The following ACAN variants were observed in gnomAD, a reference collection of about 807,000 sequenced individuals.
The protein encoded by ACAN is aggrecan core protein.
Under a neutral mutation model 169.1 loss-of-function variants are expected in ACAN, and 47 were observed. The observed-to-expected ratio is 0.28, with a 90% CI of 0.22 to 0.35. The LOEUF (loss-of-function observed/expected upper bound fraction) is 0.35. Among genes scored for constraint, ACAN ranks in the 10% least tolerant of loss-of-function variants. ACAN has a pLI of 1.00. For missense variants in ACAN, 2,716 were observed against 2,759.9 expected (o/e 0.98, Z 0.36); for synonymous variants, 1,115 against 1,112.2 (o/e 1.00, Z -0.05).
At chr15:88,835,559 A>AG (rs1352586336) in intron 1 of ACAN, among the ~76,000 whole-genome samples, 8 of 152,248 alleles carry the variant, frequency 5.3e-5, no homozygotes, top group Admixed American at 5.2e-4. Flanking sequence ...CCAAGTTTGA[A>AG]GGCTTGAGAC....
rs1473462371 is a variant in ACAN at position 88,851,558 on chromosome 15, C to T, written c.2027-236C>T. The T allele has an allele frequency of 2.1e-6, 1 of 482,202 alleles. No homozygotes were observed. The highest frequency in any genetic ancestry group is 4.0e-5 in the South Asian group (1 of 25,070). The allele number at this position is 482,202 out of a possible 1,614,324, so 29.9% of individuals were successfully genotyped here. A position where few individuals can be genotyped will look rare whatever the true frequency, so the allele number is the denominator to read the frequency against. ...TAGAGCAATGCCCGGCATATATGGT[C>T]AATTCTGCAGGGGAGATGCCCCAGA... is the stretch of plus-strand genomic sequence containing the variant. On this transcript the variant is annotated intron_variant, in intron 10 of 18. Coordinates refer to ENST00000560601, the MANE Select transcript of ACAN (RefSeq NM_001369268.1). This position sits in a 1 kb window ranked among gnomAD's most constrained non-coding sequence, Gnocchi z 4.3.
chr15:88,858,164 C>A lies in ACAN; in HGVS notation c.5579C>A (p.Ser1860Tyr), dbSNP rs770623698. 6 of 1,613,940 alleles carry A rather than the reference C, an allele frequency of 3.7e-6. No individual in the cohort carries two copies. Among genetic ancestry groups the A allele is most frequent in the Non-Finnish European group, 5.1e-6 (6 of 1,179,896 alleles). ...TCTGTGGAACTCAGTGGCCTCCCTT[C>A]CGGAGAGGCAGATCTGTCAGGCAAA... is the stretch of plus-strand genomic sequence containing the variant. ...LGSVELSGLP[S>Y]GEADLSGKSG... is the part of the protein sequence containing the mutation. Residue 1860 changes from serine (S) to tyrosine (Y), a missense_variant, in exon 12 of 19, where the codon TCC becomes TAC. Around this residue, in one of 3 missense-constraint regions of ACAN, gnomAD observed 1,389 missense variants for 1,363.7 expected, o/e 1.02. Coordinates refer to ENST00000560601, the MANE Select transcript of ACAN (RefSeq NM_001369268.1). The surrounding 1 kb of genome is among the most constrained non-coding windows in gnomAD (Gnocchi z 4.0).
chr15:88,850,095 T>G, intron 10 of ACAN: 1 of 575,376 alleles, frequency 1.7e-6, no homozygotes. Context: ...GTGCACGTGG[T>G]GCCCTTGGCA....
At position 88,857,215 on chromosome 15, in the gene ACAN, G is replaced by A; in HGVS notation, c.4630G>A (p.Asp1544Asn). 3 of 1,613,884 alleles carry A rather than the reference G, an allele frequency of 1.9e-6. No homozygotes were observed. The South Asian group carries it at 3.3e-5, about 18-fold the overall frequency. ...VLEISASGFGDLSGLPSGGEG... is the reference protein window; with the variant it reads ...VLEISASGFGNLSGLPSGGEG... The stretch of plus-strand genomic sequence containing the variant: ...AGAGATTTCTGCCTCTGGATTTGGG[G>A]ACCTCAGTGGACTTCCTTCTGGAGG... Residue 1544 changes from aspartate (D) to asparagine (N), a missense_variant, in exon 12 of 19, where the codon GAC (aspartate) becomes AAC (asparagine). Around this residue, in one of 3 missense-constraint regions of ACAN, gnomAD observed 1,389 missense variants for 1,363.7 expected, o/e 1.02. Coordinates refer to ENST00000560601, the MANE Select transcript of ACAN (RefSeq NM_001369268.1).
intron 1 of ACAN, among the ~76,000 whole-genome samples, chr15:88,820,510 A>G (rs1896049745): frequency 1.3e-5 from 2 of 152,134 alleles, no homozygotes; most frequent in African/African-American, 4.8e-5. Flanking sequence ...CTTTGTTTCT[A>G]ACTTTATTTA....
At chr15:88,819,913 A>T (rs1023023386) in intron 1 of ACAN, among the ~76,000 whole-genome samples, 1 of 152,190 alleles carries the variant, frequency 6.6e-6, no homozygotes, top group Non-Finnish European at 1.5e-5. Flanking sequence ...GAACTAGTTG[A>T]GAGCCCAGCT....
chr15:88,850,185 T>C (rs1896900351), intron 10 of ACAN: 3 of 306,690 alleles, frequency 9.8e-6, no homozygotes, highest in South Asian at 1.7e-4. Context: ...CTGTAATATA[T>C]AGCTTTATTT....
In ACAN at chr15:88,839,896, G is replaced by C. The variant is rs1896604843; in HGVS notation, c.455-116G>C. On this transcript the variant is annotated intron_variant, in intron 3 of 18. Coordinates refer to ENST00000560601, the MANE Select transcript of ACAN (RefSeq NM_001369268.1). This position sits in a 1 kb window ranked among gnomAD's most constrained non-coding sequence, Gnocchi z 4.5. ...GTACAGGGAGTCATGCATCAGCCCA[G>C]ACCAGCCAGTTCCCTAAGGTCCCTT... 1.6e-5 allele frequency: 21 copies of C among 1,293,870 alleles called. No individual in the cohort carries two copies. The highest frequency in any genetic ancestry group is 2.1e-5 in the Non-Finnish European group (20 of 935,854). The allele number at this position is 1,293,870 out of a possible 1,614,324, so 80.1% of individuals were successfully genotyped here.
At position 88,869,611 on chromosome 15, in the gene ACAN, C is replaced by T. The variant is rs893798785; in HGVS notation, c.7060+1282C>T. On this transcript the variant is annotated intron_variant, in intron 14 of 18. Transcript: ENST00000560601. The surrounding 1 kb of genome is among the most constrained non-coding windows in gnomAD (Gnocchi z 4.2). ...GTAGAAGAGTCTGGGACTTCCATGC[C>T]GACAACAGCTATTTGGTTCCAGACT... 1.3e-5 allele frequency among the ~76,000 whole-genome samples: 2 copies of T among 152,116 alleles called. No homozygotes were observed. Among genetic ancestry groups the T allele is most frequent in the Admixed American group, 6.5e-5 (1 of 15,284 alleles).
chr15:88,851,653 G>C lies in ACAN; in HGVS notation c.2027-141G>C. On this transcript the variant is annotated intron_variant, in intron 10 of 18. Transcript: ENST00000560601. This position sits in a 1 kb window ranked among gnomAD's most constrained non-coding sequence, Gnocchi z 4.3. ...TTGGTGCCGATGGCTCTTACTAAGCGAGAAGGCAAACAGCCATCTGCTGAA... is the reference window on the plus strand; with the variant it reads ...TTGGTGCCGATGGCTCTTACTAAGCCAGAAGGCAAACAGCCATCTGCTGAA... 1.0e-6 allele frequency: 1 copy of C among 992,386 alleles called. No homozygotes were observed. Among genetic ancestry groups the C allele is most frequent in the Non-Finnish European group, 1.4e-6 (1 of 693,664 alleles). The allele number at this position is 992,386 out of a possible 1,614,324, so 61.5% of individuals were successfully genotyped here.
rs368833137 is a variant in ACAN at position 88,872,063 on chromosome 15, G to A, written c.7280G>A (p.Arg2427His). The A allele has an allele frequency of 2.1e-5, 34 of 1,613,752 alleles. No homozygotes were observed. The highest frequency in any genetic ancestry group is 1.1e-4 in the East Asian group (5 of 44,882). The change falls in exon 16 of 19, where the codon CGC becomes CAC. Residue 2427 changes from arginine to histidine, a missense_variant. Coordinates refer to ENST00000560601, the MANE Select transcript of ACAN (RefSeq NM_001369268.1). This position sits in a 1 kb window ranked among gnomAD's most constrained non-coding sequence, Gnocchi z 5.4. ...LNDRTIEGDFRWSDGHPMQFE... is the reference protein window; with the variant it reads ...LNDRTIEGDFHWSDGHPMQFE... Reference sequence around the variant, plus strand: ...GACAGGACCATCGAAGGGGACTTCCGCTGGTCAGATGGACACCCCATGGTG... The same window carrying A: ...GACAGGACCATCGAAGGGGACTTCCACTGGTCAGATGGACACCCCATGGTG...
chr15:88,858,079 G>A lies in ACAN; in HGVS notation c.5494G>A (p.Val1832Met), dbSNP rs370620670. Residue 1832 changes from valine (V) to methionine (M), a missense_variant, in exon 12 of 19, where the codon GTG becomes ATG. By Grantham distance (21) the Val-to-Met change is conservative. Coordinates refer to ENST00000560601, the MANE Select transcript of ACAN (RefSeq NM_001369268.1). This position sits in a 1 kb window ranked among gnomAD's most constrained non-coding sequence, Gnocchi z 4.0. ...GSGESSGITF[V>M]DTSLVEVAPT... is the part of the protein sequence containing the mutation. ...CGGTGAATCTTCTGGGATTACATTT[G>A]TGGACACCAGTTTGGTTGAAGTGGC... 1 of 1,613,920 alleles carries A rather than the reference G, an allele frequency of 6.2e-7. No individual in the cohort carries two copies. The highest frequency in any genetic ancestry group is 1.1e-5 in the South Asian group (1 of 91,078).
Position 88,860,407 on chromosome 15 carries a change from C to T in ACAN, c.6914C>T (p.Pro2305Leu), listed in dbSNP as rs1209211363. The change falls in exon 13 of 19, where the codon CCC becomes CTC. Residue 2305 changes from proline to leucine, a missense_variant. Pro to Leu is a moderately conservative substitution (Grantham distance 98). This residue lies in a region of ACAN where 1,389 missense variants were observed against 1,363.7 expected (regional missense o/e 1.02). Transcript: ENST00000560601. ...GAGGGACACGTCATATGCCTGTGCC[C>T]CCCTGGCTACACTGGCGAGCACTGT... is the stretch of plus-strand genomic sequence containing the variant. ...ETEGHVICLC[P>L]PGYTGEHCNI... 1 of 1,613,624 alleles carries T rather than the reference C, an allele frequency of 6.2e-7. No homozygotes were observed. Among genetic ancestry groups the T allele is most frequent in the East Asian group, 2.2e-5 (1 of 44,868 alleles).
chr15:88,827,723 C>T (rs1161596289), intron 1 of ACAN, among the ~76,000 whole-genome samples: 3 of 152,170 alleles, frequency 2.0e-5, no homozygotes, highest in Non-Finnish European at 2.9e-5. Context: ...GAGGAACCAG[C>T]CAGACAAACC....
chr15:88,805,368 C>G (rs1441945992), intron 1 of ACAN, among the ~76,000 whole-genome samples: 2 of 152,118 alleles, frequency 1.3e-5, no homozygotes, highest in Non-Finnish European at 2.9e-5. Flanking sequence ...AGGAGAGGTT[C>G]TAACCTGAAA....
chr15:88,846,770 T>C (rs1170548229), intron 7 of ACAN, among the ~76,000 whole-genome samples: 1 of 152,224 alleles, frequency 6.6e-6, no homozygotes, highest in Non-Finnish European at 1.5e-5. Flanking sequence ...GACTTGAGAC[T>C]CTGCAGATTT....
intron 13 of ACAN, among the ~76,000 whole-genome samples, chr15:88,862,888 C>T (rs1897222802): frequency 6.6e-6 from 1 of 151,636 alleles, no homozygotes; most frequent in African/African-American, 2.4e-5. Flanking sequence ...ATCCTAGCTA[C>T]TCGGGAGGCT....
intron 13 of ACAN, among the ~76,000 whole-genome samples, chr15:88,865,740 C>T (rs1347894742): frequency 6.6e-6 from 1 of 152,228 alleles, no homozygotes. Context: ...CTATCAGTTC[C>T]AGAAGGCATG....
At position 88,873,729 on chromosome 15, in the gene ACAN, G is replaced by A; in HGVS notation, c.7448-113G>A. 1 of 1,148,640 alleles carries A rather than the reference G, an allele frequency of 8.7e-7. No individual in the cohort carries two copies. The allele number at this position is 1,148,640 out of a possible 1,614,324, so 71.2% of individuals were successfully genotyped here. A position where few individuals can be genotyped will look rare whatever the true frequency, so the allele number is the denominator to read the frequency against. ...CTTAGCGCTGCATGAAAACGTCCAG[G>A]GCTCACTGTCAGATGTTGAGGCTGT... On this transcript the variant is annotated intron_variant, in intron 17 of 18. Coordinates refer to ENST00000560601, the MANE Select transcript of ACAN (RefSeq NM_001369268.1). The surrounding 1 kb of genome is among the most constrained non-coding windows in gnomAD (Gnocchi z 7.5).
Sources: gnomAD v4.1 joint callset for allele counts (sites outside exome capture counted in the v4.1 genomes callset) on GRCh38, gnomAD v4.1.1 for gene constraint, gnomAD v4.1.1 regional missense constraint, Gnocchi (gnomAD v3.1) non-coding constraint, MANE v1.5 for transcripts, NCBI Gene and HGNC (gene_info 2026-07-23, HGNC 2026-07-21) for gene names.